ANKS3: variants seen among roughly 807,000 people sequenced by gnomAD.
ANKS3 encodes the protein ankyrin repeat and SAM domain-containing protein 3.
Under a neutral mutation model 80.7 loss-of-function variants are expected in ANKS3, and 62 were observed. That is an observed-to-expected ratio of 0.77 (90% CI 0.63 to 0.95). ANKS3 has a LOEUF of 0.95. Ranked by LOEUF, ANKS3 falls within the 40% of genes least tolerant of loss-of-function variation. The probability of loss-of-function intolerance (pLI) is 0.00; values close to 1 mark genes in which losing one functional copy is unlikely to be tolerated. For missense variants in ANKS3, 1,150 were observed against 883.6 expected (o/e 1.30, Z -3.82); for synonymous variants, 489 against 355.3 (o/e 1.38, Z -4.23).
chr16:4,722,760 T>C (rs956348810), intron 6 of ANKS3, among the ~76,000 whole-genome samples: 1 of 146,776 alleles, frequency 6.8e-6, no homozygotes, highest in African/African-American at 2.5e-5. Flanking sequence ...TCTACTAAAA[T>C]ACAAAAAATT....
intron 6 of ANKS3, among the ~76,000 whole-genome samples, chr16:4,715,531 C>T (rs967332557): frequency 2.6e-5 from 4 of 152,042 alleles, no homozygotes; most frequent in African/African-American, 7.2e-5. Flanking sequence ...CAGAGCTTGA[C>T]GCTGCAGCGA....
intron 11 of ANKS3, chr16:4,699,912 G>C (rs752423789): frequency 3.3e-5 from 5 of 152,252 alleles, no homozygotes; most frequent in African/African-American, 9.7e-5. Context: ...GCTTTTAATG[G>C]ACAAACAAAT....
intron 7 of ANKS3, among the ~76,000 whole-genome samples, chr16:4,708,585 A>G (rs1240280539): frequency 6.6e-6 from 1 of 152,166 alleles, no homozygotes; most frequent in East Asian, 1.9e-4. Flanking sequence ...TCAAAATCCG[A>G]TGGGTTTTTC....
At chr16:4,727,631 A>C (rs536962504) in intron 3 of ANKS3, 1 of 202,100 alleles carries the variant, frequency 4.9e-6, no homozygotes, top group Non-Finnish European at 1.0e-5. Flanking sequence ...CAGTTGAAAA[A>C]CCCTGACCAC....
intron 3 of ANKS3, chr16:4,727,742 T>C (rs1329655890): frequency 1.3e-5 from 2 of 153,552 alleles, no homozygotes; most frequent in African/African-American, 4.8e-5. Flanking sequence ...GATTCATCCT[T>C]TGTCACCTCA....
Position 4,702,095 on chromosome 16 carries a change from C to T in ANKS3, c.1009+7G>A. The stretch of plus-strand genomic sequence containing the variant: ...GCCACGGGCCGGATGGGTGGGGGTG[C>T]ACGTACCCCGACTGCTGCTGCTGCT... On this transcript the variant is annotated splice_region_variant and intron_variant, in intron 9 of 17. Coordinates refer to ENST00000304283, the MANE Select transcript of ANKS3 (RefSeq NM_133450.4). 6.3e-7 allele frequency: 1 copy of T among 1,578,704 alleles called. No individual in the cohort carries two copies. Among genetic ancestry groups the T allele is most frequent in the South Asian group, 1.1e-5 (1 of 88,346 alleles).
Position 4,734,208 on chromosome 16 carries a change from C to A in ANKS3, c.-341G>T. 1 of 179,466 alleles carries A rather than the reference C, an allele frequency of 5.6e-6. No homozygotes were observed. The highest frequency in any genetic ancestry group is 1.1e-5 in the Non-Finnish European group (1 of 92,854). The allele number at this position is 179,466 out of a possible 1,614,324, so 11.1% of individuals were successfully genotyped here. A position where few individuals can be genotyped will look rare whatever the true frequency, so the allele number is the denominator to read the frequency against. ...CCCTCGGGCTGCCGTCGCCAACCCC[C>A]CCCAAACAGCTCGCCGCCACGCTCC... On this transcript the variant is annotated 5_prime_UTR_variant, in exon 1 of 18. Coordinates refer to ENST00000304283, the MANE Select transcript of ANKS3 (RefSeq NM_133450.4).
intron 8 of ANKS3, among the ~76,000 whole-genome samples, chr16:4,703,472 G>A (rs1391849211): frequency 6.9e-6 from 1 of 145,240 alleles, no homozygotes; most frequent in Non-Finnish European, 1.5e-5. Context: ...CCAGACTGGA[G>A]TGCAGTGGCA....
chr16:4,711,834 T>A (rs1031765895), intron 7 of ANKS3, among the ~76,000 whole-genome samples: 1 of 150,072 alleles, frequency 6.7e-6, no homozygotes, highest in South Asian at 2.1e-4. Flanking sequence ...ACTGACCCCA[T>A]AAGAAAAGAA....
chr16:4,718,064 C>A (rs911717995), intron 6 of ANKS3, among the ~76,000 whole-genome samples: 1 of 151,378 alleles, frequency 6.6e-6, no homozygotes, highest in Non-Finnish European at 1.5e-5. Flanking sequence ...CATGAGCCAC[C>A]ATGCCTGGCC....
At chr16:4,704,252 T>A (rs953339033) in intron 8 of ANKS3, among the ~76,000 whole-genome samples, 2 of 151,900 alleles carry the variant, frequency 1.3e-5, no homozygotes, top group African/African-American at 4.8e-5. Context: ...GTTCCTGGGG[T>A]CTAGAAGGGA....
At position 4,713,963 on chromosome 16, in the gene ANKS3, G is replaced by A. The variant is rs2080635923; in HGVS notation, c.709+88C>T. 7 of 1,531,098 alleles carry A rather than the reference G, an allele frequency of 4.6e-6. 1 individual carries two copies. The South Asian group carries it at 5.0e-5, about 11-fold the overall frequency. 94.8% of individuals were successfully genotyped at this position (1,531,098 alleles called of 1,614,324 possible). On this transcript the variant is annotated intron_variant, in intron 7 of 17. Transcript: ENST00000304283. The stretch of plus-strand genomic sequence containing the variant: ...AATCTCAGAGAAGGTGGGAGCCGGG[G>A]AAGCGGGGGACATCTTTCTCTGCCA...
intron 2 of ANKS3, among the ~76,000 whole-genome samples, chr16:4,731,109 G>A (rs529786160): frequency 2.0e-5 from 3 of 152,264 alleles, no homozygotes; most frequent in South Asian, 2.1e-4. Flanking sequence ...CCTGCCTACA[G>A]TATAATTTCA....
Position 4,698,843 on chromosome 16 carries a change from C to G in ANKS3, c.1508G>C (p.Arg503Pro). ...GDALELAYAD[R>P]LEAEMQELAI... Reference sequence around the variant, plus strand: ...GAGCTCCTGCATCTCAGCCTCCAGCCGGTCGGCGTAGGCCAGCTCCAGGGC... The same window carrying G: ...GAGCTCCTGCATCTCAGCCTCCAGCGGGTCGGCGTAGGCCAGCTCCAGGGC... Residue 503 changes from arginine to proline, a missense_variant, in exon 13 of 18, where the codon CGG becomes CCG. Arg to Pro is a moderately radical substitution (Grantham distance 103, BLOSUM62 -2). Coordinates refer to ENST00000304283, the MANE Select transcript of ANKS3 (RefSeq NM_133450.4). 1 of 1,607,748 alleles carries G rather than the reference C, an allele frequency of 6.2e-7. No homozygotes were observed.
At chr16:4,700,783 A>C (rs770180186) in intron 11 of ANKS3, 187 bp downstream of exon 11, 6 of 823,508 alleles carry the variant, frequency 7.3e-6, no homozygotes, top group Admixed American at 5.2e-5. Context: ...ACAGAGTAGA[A>C]GCGCTGCAGC....
At chr16:4,728,741 T>A (rs2081481651) in intron 3 of ANKS3, among the ~76,000 whole-genome samples, 1 of 152,162 alleles carries the variant, frequency 6.6e-6, no homozygotes, top group African/African-American at 2.4e-5. Context: ...GGTTATGGAC[T>A]CTGCATCTTA....
intron 6 of ANKS3, among the ~76,000 whole-genome samples, chr16:4,721,972 G>A (rs555768709): frequency 6.6e-6 from 1 of 151,298 alleles, no homozygotes; most frequent in South Asian, 2.1e-4. Context: ...AAATCTTCAT[G>A]ATTAAGTTTT....
rs577149660 is a variant in ANKS3 at position 4,709,840 on chromosome 16, G to C, written c.709+4211C>G. On this transcript the variant is annotated intron_variant, in intron 7 of 17. Transcript: ENST00000304283. ...AACCTGGTCAGTATAGCAAGACCCC[G>C]TCTCTACAAAAAAATAAAACATTAG... Among the ~76,000 whole-genome samples, 7 of 151,976 alleles carry C rather than the reference G, an allele frequency of 4.6e-5. No homozygotes were observed. In the South Asian group the frequency reaches 1.2e-3, roughly 27 times the overall value.
At chr16:4,721,633 T>TA (rs1382745144) in intron 6 of ANKS3, among the ~76,000 whole-genome samples, 4 of 58,644 alleles carry the variant, frequency 6.8e-5, no homozygotes, top group Non-Finnish European at 1.2e-4. Context: ...TTGATTTATT[T>TA]ATTTATTTAT....
Sources: allele counts gnomAD v4.1 joint callset (sites outside exome capture counted in the v4.1 genomes callset), GRCh38; gene constraint gnomAD v4.1.1; transcripts MANE v1.5; gene names NCBI Gene and HGNC (gene_info 2026-07-23, HGNC 2026-07-21).